Variants in RIPK3 observed in about 807,000 individuals in gnomAD.
RIPK3 encodes receptor interacting serine/threonine kinase 3.
In RIPK3, 51 loss-of-function variants were observed where a neutral mutation model predicts 51.6. That is an observed-to-expected ratio of 0.99 (90% CI 0.79 to 1.25). The LOEUF (loss-of-function observed/expected upper bound fraction) is 1.25, where lower values mean the gene tolerates loss of function less well. RIPK3 is among the 50% of genes most tolerant of loss of function. The pLI, the probability that RIPK3 is intolerant of heterozygous loss-of-function variation, is 0.00. For synonymous variants in RIPK3, 246 were observed against 257.7 expected (o/e 0.95, Z 0.44); for missense variants, 654 against 650.4 (o/e 1.01, Z -0.06).
Position 24,339,818 on chromosome 14 carries a change from G to A in RIPK3, c.9C>T (p.Cys3=), listed in dbSNP as rs141928243. MS[C]VKLWPSGAPA... ...CACTCCCTACTCACCATAACTTGAC[G>A]CACGACATCAGGCTGGAAGGTGCCA... is the stretch of plus-strand genomic sequence containing the variant. The change falls in exon 1 of 10, where the codon TGC becomes TGT. Residue 3 remains cysteine, a synonymous_variant. Coordinates refer to ENST00000216274, the MANE Select transcript of RIPK3 (RefSeq NM_006871.4). The surrounding 1 kb of genome is among the most constrained non-coding windows in gnomAD (Gnocchi z 4.0). The A allele has an allele frequency of 3.2e-6, 5 of 1,574,992 alleles. No homozygotes were observed. The South Asian group carries it at 4.7e-5, about 15-fold the overall frequency.
rs756273172 is a variant in RIPK3, at chr14:24,339,072, G to C, written c.414C>G (p.Leu138=). 8 of 1,614,068 alleles carry C rather than the reference G, an allele frequency of 5.0e-6. No homozygotes were observed. The South Asian group carries it at 7.7e-5, about 16-fold the overall frequency. The change falls in exon 3 of 10, where the codon CTC becomes CTG. Residue 138 remains leucine (L), a synonymous_variant. Coordinates refer to ENST00000216274, the MANE Select transcript of RIPK3 (RefSeq NM_006871.4). This position sits in a 1 kb window ranked among gnomAD's most constrained non-coding sequence, Gnocchi z 4.0. ...MFYLHDQNPV[L]LHRDLKPSNV... is the part of the protein sequence containing the mutation. ...TGGATGGCTTGAGGTCCCGGTGCAG[G>C]AGCACCGGGTTCTGGTCGTGCAGGT...
rs146886719 is a variant in RIPK3 at position 24,337,097 on chromosome 14, G to C, written c.1264C>G (p.Arg422Gly). 6.2e-7 allele frequency: 1 copy of C among 1,611,562 alleles called. No individual in the cohort carries two copies. Among genetic ancestry groups the C allele is most frequent in the East Asian group, 2.2e-5 (1 of 44,880 alleles). ...TSTGTPSPGP[R>G]GNQGAERQGM... is the part of the protein sequence containing the mutation. ...TGTCAATGTCTCACCTGATTCCCTC[G>C]GGGTCCAGGACTTGGTGTTCCAGTT... The change falls in exon 8 of 10, where the codon CGA becomes GGA. Residue 422 changes from arginine (R) to glycine (G), a missense_variant. Transcript: ENST00000216274.
At position 24,339,926 on chromosome 14, in the gene RIPK3, T is replaced by C. The variant is rs564905825; in HGVS notation, c.-100A>G. On this transcript the variant is annotated 5_prime_UTR_variant, in exon 1 of 10. Coordinates refer to ENST00000216274, the MANE Select transcript of RIPK3 (RefSeq NM_006871.4). This position sits in a 1 kb window ranked among gnomAD's most constrained non-coding sequence, Gnocchi z 4.0. Reference sequence around the variant, plus strand: ...TTTCGCAGAGAGGGGAAGGGGTCTGTCTGTGCAGGGGTCAGTCTCTAGACC... The same window carrying C: ...TTTCGCAGAGAGGGGAAGGGGTCTGCCTGTGCAGGGGTCAGTCTCTAGACC... 1 of 1,307,294 alleles carries C rather than the reference T, an allele frequency of 7.6e-7. No homozygotes were observed. The highest frequency in any genetic ancestry group is 1.4e-5 in the South Asian group (1 of 70,580). The allele number at this position is 1,307,294 out of a possible 1,614,324, so 81.0% of individuals were successfully genotyped here.
At chr14:24,338,609 G>T (rs754374988) in intron 3 of RIPK3, 42 bp from the exon 4 acceptor site, 2 of 1,563,824 alleles carry the variant, frequency 1.3e-6, no homozygotes, top group Non-Finnish European at 1.7e-6. Context: ...GAAGACAAGG[G>T]GGCCAGAGAG....
At chr14:24,336,570 CA>C in intron 9 of RIPK3, 175 bp from the exon 10 acceptor site, 1 of 944,298 alleles carries the variant, frequency 1.1e-6, no homozygotes, top group African/African-American at 1.7e-5. Flanking sequence ...TAGAGAGTGG[CA>C]ATTGACATTT....
chr14:24,338,169 G>A, intron 5 of RIPK3, 80 bp downstream of exon 5: 19 of 1,551,540 alleles, frequency 1.2e-5, no homozygotes, highest in Non-Finnish European at 1.7e-5. Flanking sequence ...CTAAGTAGGT[G>A]AGCGGGAAGG....
chr14:24,339,724 C>CA lies in RIPK3; in HGVS notation c.20+82dup, dbSNP rs1274219425. On this transcript the variant is annotated intron_variant, in intron 1 of 9. Transcript: ENST00000216274. The surrounding 1 kb of genome is among the most constrained non-coding windows in gnomAD (Gnocchi z 4.0). The stretch of plus-strand genomic sequence containing the variant: ...CGCCGGCCCCCACCGTCCCCGGACT[C>CA]AAAGACGTTCTCTGAGCGAGTCTGT... The CA allele has an allele frequency of 1.9e-6, 3 of 1,571,216 alleles. No homozygotes were observed. The highest frequency in any genetic ancestry group is 2.7e-5 in the African/African-American group (2 of 73,726).
At chr14:24,338,165 A>G in intron 5 of RIPK3, 84 bp downstream of exon 5, 1 of 1,554,412 alleles carries the variant, frequency 6.4e-7, no homozygotes, top group Non-Finnish European at 8.8e-7. Flanking sequence ...CAGTCTAAGT[A>G]GGTGAGCGGG....
rs2042171391 is a variant in RIPK3 at position 24,339,693 on chromosome 14, C to T, written c.21-96G>A. 8.2e-6 allele frequency: 13 copies of T among 1,586,442 alleles called. 1 individual carries two copies. The highest frequency in any genetic ancestry group is 1.7e-4 in the Middle Eastern group (1 of 5,922). On this transcript the variant is annotated intron_variant, in intron 1 of 9. Transcript: ENST00000216274. The surrounding 1 kb of genome is among the most constrained non-coding windows in gnomAD (Gnocchi z 4.0). Reference sequence around the variant, plus strand: ...CGGCGTTCTCACTGCAATCCCCAGCCTCCCTCGCCGGCCCCCACCGTCCCC... The same window carrying T: ...CGGCGTTCTCACTGCAATCCCCAGCTTCCCTCGCCGGCCCCCACCGTCCCC...
chr14:24,338,430 GT>G lies in RIPK3; in HGVS notation c.608del (p.Asp203AlafsTer8), dbSNP rs1566447060. 6.2e-7 allele frequency: 1 copy of G among 1,612,714 alleles called. No individual in the cohort carries two copies. Among genetic ancestry groups the G allele is most frequent in the South Asian group, 1.1e-5 (1 of 91,020 alleles). On this transcript the variant is annotated frameshift_variant, in exon 4 of 10. Transcript: ENST00000216274. LOFTEE classifies it high-confidence loss of function. Reference sequence around the variant, plus strand: ...TGGGCCGGGATCCTTACCTGTAGACGTCACTGGCTGTGGAGGCCTTCCGGTT... The same window carrying G: ...TGGGCCGGGATCCTTACCTGTAGACGCACTGGCTGTGGAGGCCTTCCGGTT... ...NVNRKASTASDVYSFGILMWA... is the reference protein window; with the variant it reads ...NVNRKASTASXVYSFGILMWA...
In RIPK3 at chr14:24,339,059, G is replaced by A; in HGVS notation, c.427C>T (p.Leu143Phe). The change falls in exon 3 of 10, where the codon CTC becomes TTC. Residue 143 changes from leucine to phenylalanine, a missense_variant. Transcript: ENST00000216274. The surrounding 1 kb of genome is among the most constrained non-coding windows in gnomAD (Gnocchi z 4.0). ...DQNPVLLHRD[L>F]KPSNVLLDPE... ...TCCAGCAGGACGTTGGATGGCTTGA[G>A]GTCCCGGTGCAGGAGCACCGGGTTC... 1 of 1,614,200 alleles carries A rather than the reference G, an allele frequency of 6.2e-7. No homozygotes were observed. The highest frequency in any genetic ancestry group is 8.5e-7 in the Non-Finnish European group (1 of 1,180,018).
In RIPK3 at chr14:24,336,877, A is replaced by G. The variant is rs1278014432; in HGVS notation, c.1336+8T>C. 1.2e-6 allele frequency: 2 copies of G among 1,609,200 alleles called. No homozygotes were observed. Among genetic ancestry groups the G allele is most frequent in the Admixed American group, 1.7e-5 (1 of 60,016 alleles). On this transcript the variant is annotated splice_region_variant and intron_variant, in intron 9 of 9. Coordinates refer to ENST00000216274, the MANE Select transcript of RIPK3 (RefSeq NM_006871.4). Reference sequence around the variant, plus strand: ...AACAGGGAAAAGAAAGAGGTAGAGAATGGGTACCTGTTACTGGATTTGGCT... The same window carrying G: ...AACAGGGAAAAGAAAGAGGTAGAGAGTGGGTACCTGTTACTGGATTTGGCT...
rs759157445 is a variant in RIPK3 at position 24,339,821 on chromosome 14, C to G, written c.6G>C (p.Ser2=). The G allele has an allele frequency of 1.3e-6, 2 of 1,571,652 alleles. No homozygotes were observed. Among genetic ancestry groups the G allele is most frequent in the Non-Finnish European group, 1.7e-6 (2 of 1,161,674 alleles). The change falls in exon 1 of 10, where the codon TCG becomes TCC. Residue 2 remains serine, a synonymous_variant. Coordinates refer to ENST00000216274, the MANE Select transcript of RIPK3 (RefSeq NM_006871.4). The surrounding 1 kb of genome is among the most constrained non-coding windows in gnomAD (Gnocchi z 4.0). ...TCCCTACTCACCATAACTTGACGCA[C>G]GACATCAGGCTGGAAGGTGCCAGGG... is the stretch of plus-strand genomic sequence containing the variant. M[S]CVKLWPSGAP...
Position 24,336,267 on chromosome 14 carries a change from G to T in RIPK3, c.1465C>A (p.Gln489Lys), listed in dbSNP as rs1482335709. Residue 489 changes from glutamine to lysine, a missense_variant, in exon 10 of 10, where the codon CAG (glutamine) becomes AAG (lysine). By Grantham distance (53) the Gln-to-Lys change is moderately conservative (BLOSUM62 1). Transcript: ENST00000216274. ...TGCGAACCTACTGGTGGGGGGTGCT[G>T]CAAGCCCCTCCCCTTGCCCGAAGGT... ...LAPSGKGRGL[Q>K]HPPPVGSQEG... 1.2e-6 allele frequency: 2 copies of T among 1,613,944 alleles called. No individual in the cohort carries two copies. The highest frequency in any genetic ancestry group is 1.3e-5 in the African/African-American group (1 of 74,948).
chr14:24,337,148 T>G lies in RIPK3; in HGVS notation c.1213A>C (p.Arg405=). ...PPQTPETSTF[R]NQMPSPTSTG... ...GAGGTAGGGCTGGGCATCTGGTTTC[T>G]GAAAGTTGAGGTCTCTGGAGTCTGG... Residue 405 remains arginine, a synonymous_variant, in exon 8 of 10, where the codon AGA becomes CGA. Transcript: ENST00000216274. The G allele has an allele frequency of 1.2e-6, 2 of 1,611,556 alleles. No homozygotes were observed. Among genetic ancestry groups the G allele is most frequent in the Non-Finnish European group, 1.7e-6 (2 of 1,180,024 alleles).
At chr14:24,337,800 C>G (rs2139240087) in intron 6 of RIPK3, 38 bp from the exon 7 acceptor site, 4 of 1,613,878 alleles carry the variant, frequency 2.5e-6, no homozygotes, top group Non-Finnish European at 3.4e-6. Flanking sequence ...GTGAGCAAAT[C>G]TTCTTTTCCT....
chr14:24,336,659 T>C (rs2042138814), intron 9 of RIPK3: 1 of 664,896 alleles, frequency 1.5e-6, no homozygotes, highest in African/African-American at 1.8e-5. Flanking sequence ...AGAGCTGGTG[T>C]TGTGGAAAGT....
Position 24,339,564 on chromosome 14 carries a change from G to A in RIPK3, c.54C>T (p.Ile18=). 6.2e-7 allele frequency: 1 copy of A among 1,614,180 alleles called. No individual in the cohort carries two copies. ...CGAGCTCCTGGTTCTCCAGTTCCTC[G>A]ATGGACACCAAGGGGGCGGGGGCAC... ...PSGAPAPLVS[I]EELENQELVG... The change falls in exon 2 of 10, where the codon ATC becomes ATT. Residue 18 remains isoleucine (I), a synonymous_variant. Coordinates refer to ENST00000216274, the MANE Select transcript of RIPK3 (RefSeq NM_006871.4). This position sits in a 1 kb window ranked among gnomAD's most constrained non-coding sequence, Gnocchi z 4.0.
In RIPK3 at chr14:24,338,514, C is replaced by T. The variant is rs1469458720; in HGVS notation, c.525G>A (p.Gly175=). The change falls in exon 4 of 10, where the codon GGG becomes GGA. Residue 175 remains glycine, a synonymous_variant. Transcript: ENST00000216274. The part of the protein sequence containing the change: ...TFQGGSQSGT[G]SGEPGGTLGY... The stretch of plus-strand genomic sequence containing the variant: ...CCAGGGTGCCCCCTGGCTCCCCGGA[C>T]CCTGTCCCTGACTGTGAGCCTCCCT... 4.3e-6 allele frequency: 7 copies of T among 1,613,162 alleles called. No homozygotes were observed. In the East Asian group the frequency reaches 1.1e-4, roughly 26 times the overall value.
Sources: gnomAD v4.1 joint callset for allele counts on GRCh38, gnomAD v4.1.1 for gene constraint, Gnocchi (gnomAD v3.1) non-coding constraint, MANE v1.5 for transcripts, NCBI Gene and HGNC (gene_info 2026-07-23, HGNC 2026-07-21) for gene names.